Variants in TSPAN13 observed in about 807,000 individuals in gnomAD.
TSPAN13 encodes the protein tetraspanin-13.
TSPAN13 carries 18 observed loss-of-function variants against 26.9 expected under a neutral mutation model. The ratio of observed to expected loss-of-function variants is 0.67; its 90% CI spans 0.46 to 0.99. The LOEUF is 0.99. Among genes scored for constraint, TSPAN13 ranks in the 50% least tolerant of loss-of-function variants. The probability of loss-of-function intolerance (pLI) is 0.00; values close to 1 mark genes in which losing one functional copy is unlikely to be tolerated. For synonymous variants in TSPAN13, 116 were observed against 98.4 expected (o/e 1.18, Z -1.06); for missense variants, 201 against 249.6 (o/e 0.81, Z 1.31).
intron 1 of TSPAN13, among the ~76,000 whole-genome samples, chr7:16,754,757 G>T (rs968274611): frequency 6.6e-6 from 1 of 152,110 alleles, no homozygotes; most frequent in Non-Finnish European, 1.5e-5. Context: ...ACCAGCTTGG[G>T]CCTCTTAGTT....
At chr7:16,779,245 G>C (rs890348579) in intron 5 of TSPAN13, 129 bp downstream of exon 5, 27 of 640,728 alleles carry the variant, frequency 4.2e-5, no homozygotes, top group Non-Finnish European at 4.2e-5. Flanking sequence ...GAGGAAACTT[G>C]GTTTAGAATC....
intron 1 of TSPAN13, among the ~76,000 whole-genome samples, chr7:16,768,773 T>G (rs1784639597): frequency 6.6e-6 from 1 of 152,234 alleles, no homozygotes; most frequent in Admixed American, 6.5e-5. Context: ...CTCTGCTGAC[T>G]TAGAATTTTG....
intron 5 of TSPAN13, among the ~76,000 whole-genome samples, chr7:16,782,853 C>T (rs1375863324): frequency 2.0e-5 from 3 of 152,194 alleles, no homozygotes; most frequent in Non-Finnish European, 2.9e-5. Flanking sequence ...AGTTGCTTAA[C>T]ACAACACAAA....
chr7:16,778,312 G>T (rs1039930885), intron 4 of TSPAN13, among the ~76,000 whole-genome samples: 1 of 152,176 alleles, frequency 6.6e-6, no homozygotes, highest in African/African-American at 2.4e-5. Flanking sequence ...CTCCTTGTAG[G>T]GGGTCTGTGT....
At chr7:16,781,751 G>C (rs1222771642) in intron 5 of TSPAN13, among the ~76,000 whole-genome samples, 1 of 152,148 alleles carries the variant, frequency 6.6e-6, no homozygotes, top group South Asian at 2.1e-4. Flanking sequence ...CAAAAATTCT[G>C]ACCAGAAGCT....
chr7:16,782,856 A>G (rs1654302039), intron 5 of TSPAN13, among the ~76,000 whole-genome samples: 1 of 152,236 alleles, frequency 6.6e-6, no homozygotes. Flanking sequence ...TGCTTAACAC[A>G]ACACAAACTT....
chr7:16,766,983 G>A (rs1406701910), intron 1 of TSPAN13, among the ~76,000 whole-genome samples: 3 of 152,052 alleles, frequency 2.0e-5, no homozygotes, highest in Non-Finnish European at 2.9e-5. Flanking sequence ...CCAGGCTGGA[G>A]TGCAGTGGCT....
At chr7:16,767,181 C>T (rs1784613829) in intron 1 of TSPAN13, among the ~76,000 whole-genome samples, 1 of 152,194 alleles carries the variant, frequency 6.6e-6, no homozygotes, top group Non-Finnish European at 1.5e-5. Context: ...TTCCCATTTT[C>T]CCCTCTCAAA....
intron 1 of TSPAN13, among the ~76,000 whole-genome samples, chr7:16,754,472 G>A (rs1296005927): frequency 6.6e-6 from 1 of 152,224 alleles, no homozygotes; most frequent in Non-Finnish European, 1.5e-5. Context: ...AAACTGACGA[G>A]GCGGCATATG....
At chr7:16,768,016 G>T (rs1406164470) in intron 1 of TSPAN13, among the ~76,000 whole-genome samples, 1 of 152,092 alleles carries the variant, frequency 6.6e-6, no homozygotes, top group Non-Finnish European at 1.5e-5. Context: ...AGGTTCAAGC[G>T]ATTCTCCTGC....
chr7:16,774,982 G>A (rs706067), intron 1 of TSPAN13, among the ~76,000 whole-genome samples: 2,661 of 152,234 alleles, frequency 0.017, 89 homozygotes, highest in African/African-American at 0.06. Flanking sequence ...TATTACATAC[G>A]AAAATTTACA....
intron 1 of TSPAN13, among the ~76,000 whole-genome samples, chr7:16,766,808 G>A (rs1174753629): frequency 2.6e-5 from 4 of 152,226 alleles, no homozygotes; most frequent in Non-Finnish European, 5.9e-5. Flanking sequence ...TGGTGACTTA[G>A]TAAGAAGGGG....
chr7:16,761,690 A>ATT (rs35451307), intron 1 of TSPAN13, among the ~76,000 whole-genome samples: 7,018 of 92,802 alleles, frequency 0.076, 310 homozygotes, highest in South Asian at 0.14. Context: ...CAGCTAATTA[A>ATT]TTTTTTTTTT....
chr7:16,755,259 G>C (rs1784469721), intron 1 of TSPAN13, among the ~76,000 whole-genome samples: 1 of 152,182 alleles, frequency 6.6e-6, no homozygotes, highest in Admixed American at 6.5e-5. Flanking sequence ...AGGAGAAGGA[G>C]GTTGGGTCAT....
Position 16,777,103 on chromosome 7 carries a change from C to T in TSPAN13, c.293C>T (p.Ala98Val). ...TTTTCTGTATCTTGCGCTTGTTTAG[C>T]CCTGAACCAGGAGCAACAGGTAAGC... is the stretch of plus-strand genomic sequence containing the variant. The part of the protein sequence containing the change: ...VQFSVSCACL[A>V]LNQEQQGQLL... Residue 98 changes from alanine to valine, a missense_variant, in exon 3 of 6, where the codon GCC becomes GTC. Physicochemically the swap from Ala to Val is moderately conservative, Grantham distance 64 (BLOSUM62 0). Transcript: ENST00000262067. 6.2e-7 allele frequency: 1 copy of T among 1,613,338 alleles called. No homozygotes were observed. Among genetic ancestry groups the T allele is most frequent in the Non-Finnish European group, 8.5e-7 (1 of 1,179,510 alleles).
intron 1 of TSPAN13, among the ~76,000 whole-genome samples, chr7:16,768,578 A>G (rs974771212): frequency 3.9e-5 from 6 of 152,230 alleles, no homozygotes; most frequent in African/African-American, 1.4e-4. Flanking sequence ...TGTCAGTGTT[A>G]TATGCGCATT....
Position 16,783,759 on chromosome 7 carries a change from C to T in TSPAN13, c.*268C>T, listed in dbSNP as rs1278334548. The T allele has an allele frequency of 6.6e-6, 3 of 457,706 alleles. No individual in the cohort carries two copies. The highest frequency in any genetic ancestry group is 5.8e-5 in the African/African-American group (3 of 51,518). The allele number at this position is 457,706 out of a possible 1,614,324, so 28.4% of individuals were successfully genotyped here. ...TCGGGCACTGTCCACTGTGGCCTTT[C>T]TTAGCATTTTTACCTGCAGAAAAAC... On this transcript the variant is annotated 3_prime_UTR_variant, in exon 6 of 6. Transcript: ENST00000262067.
At chr7:16,776,671 T>C (rs1784753353) in intron 2 of TSPAN13, among the ~76,000 whole-genome samples, 1 of 152,174 alleles carries the variant, frequency 6.6e-6, no homozygotes, top group African/African-American at 2.4e-5. Context: ...TTCTAGGCCC[T>C]TTTTTACACA....
rs35451307 is a variant in TSPAN13, at chr7:16,761,690, ATTTTTTTTTT to A, written c.63+7675_63+7684del. Among the ~76,000 whole-genome samples the A allele has an allele frequency of 2.5e-3, 229 of 93,328 alleles. No homozygotes were observed. In the East Asian group the frequency reaches 0.053, roughly 22 times the overall value. 61.2% of individuals were successfully genotyped at this position (93,328 alleles called of 152,430 possible). On this transcript the variant is annotated intron_variant, in intron 1 of 5. Transcript: ENST00000262067. Reference sequence around the variant, plus strand: ...ATACTCCACCCTACCCAGCTAATTAATTTTTTTTTTTTTTTTTTTTTTTTGTAGAGACAGG... The same window carrying A: ...ATACTCCACCCTACCCAGCTAATTAATTTTTTTTTTTTTTGTAGAGACAGG...
Sources: gnomAD v4.1 joint callset for allele counts (sites outside exome capture counted in the v4.1 genomes callset) on GRCh38, gnomAD v4.1.1 for gene constraint, MANE v1.5 for transcripts, NCBI Gene and HGNC (gene_info 2026-07-23, HGNC 2026-07-21) for gene names.